WIPF3: variants seen among roughly 807,000 people sequenced by gnomAD.
WIPF3 encodes WAS/WASL interacting protein family member 3.
Under a neutral mutation model 38.9 loss-of-function variants are expected in WIPF3, and 33 were observed. The ratio of observed to expected loss-of-function variants is 0.85; its 90% confidence interval spans 0.64 to 1.14. The LOEUF is 1.14. WIPF3 is among the 50% of genes most tolerant of loss of function. The pLI, the probability that WIPF3 is intolerant of heterozygous loss-of-function variation, is 0.00. For missense variants in WIPF3, 711 were observed against 652.5 expected (o/e 1.09, Z -0.98); for synonymous variants, 324 against 269.3 (o/e 1.20, Z -1.99).
At chr7:29,839,759 G>A (rs1047476011) in intron 2 of WIPF3, among the ~76,000 whole-genome samples, 14 of 152,284 alleles carry the variant, frequency 9.2e-5, no homozygotes, top group African/African-American at 3.4e-4. Context: ...AAAAGTATAC[G>A]AAATTCATGT....
chr7:29,816,541 C>T (rs1747099832), intron 1 of WIPF3, among the ~76,000 whole-genome samples: 1 of 151,876 alleles, frequency 6.6e-6, no homozygotes, highest in African/African-American at 2.4e-5. Context: ...GTTGCCCAGG[C>T]TGGTCTTGAA....
intron 3 of WIPF3, among the ~76,000 whole-genome samples, chr7:29,877,109 A>G (rs1785615545): frequency 6.6e-6 from 1 of 152,248 alleles, no homozygotes; most frequent in South Asian, 2.1e-4. Flanking sequence ...ATGTGCCTCC[A>G]GGTGACATGG....
chr7:29,827,606 T>C (rs895449924), intron 1 of WIPF3, among the ~76,000 whole-genome samples: 6 of 152,038 alleles, frequency 3.9e-5, no homozygotes, highest in Admixed American at 6.5e-5. Context: ...GAGATATATA[T>C]TGCGTCATGG....
intron 1 of WIPF3, among the ~76,000 whole-genome samples, chr7:29,831,534 C>T (rs995380545): frequency 1.3e-5 from 2 of 152,220 alleles, no homozygotes; most frequent in Non-Finnish European, 2.9e-5. Flanking sequence ...CTAAACATAA[C>T]TATAGTGAAT....
chr7:29,863,801 G>A (rs1225510676), intron 2 of WIPF3, among the ~76,000 whole-genome samples: 2 of 152,090 alleles, frequency 1.3e-5, no homozygotes, highest in Admixed American at 6.5e-5. Context: ...AGATTTATAC[G>A]TAAGTATTTC....
chr7:29,910,483 A>T (rs1262417294), intron 8 of WIPF3, among the ~76,000 whole-genome samples: 2 of 152,214 alleles, frequency 1.3e-5, no homozygotes, highest in Admixed American at 1.3e-4. Flanking sequence ...CCGTAGACCA[A>T]TATCCCTTAT....
At position 29,834,802 on chromosome 7, in the gene WIPF3, A is replaced by T; in HGVS notation, c.78A>T (p.Pro26=). 4 of 951,960 alleles carry T rather than the reference A, an allele frequency of 4.2e-6. No individual in the cohort carries two copies. The highest frequency in any genetic ancestry group is 5.1e-6 in the Non-Finnish European group (4 of 791,238). The allele number at this position is 951,960 out of a possible 1,614,324, so 59.0% of individuals were successfully genotyped here. A position where few individuals can be genotyped will look rare whatever the true frequency, so the allele number is the denominator to read the frequency against. Residue 26 remains proline, a synonymous_variant, in exon 2 of 9, where the codon CCA becomes CCT. Coordinates refer to ENST00000242140, the MANE Select transcript of WIPF3 (RefSeq NM_001080529.3). ...PPLGAPPPPP[P]SAPPVSTDTS... is the part of the protein sequence containing the mutation. ...TGGGGGCTCCTCCCCCTCCCCCACC[A>T]TCAGCACCCCCGGTAAGACCTTTTT...
chr7:29,913,276 C>G (rs932082267), intron 8 of WIPF3, among the ~76,000 whole-genome samples: 1 of 145,636 alleles, frequency 6.9e-6, no homozygotes, highest in African/African-American at 2.6e-5. Flanking sequence ...AACCCGTGGA[C>G]GGAGGTTGCG....
In WIPF3 at chr7:29,889,157, A is replaced by G. The variant is rs906081576; in HGVS notation, c.1250-149A>G. 1.1e-5 allele frequency: 7 copies of G among 649,458 alleles called. No individual in the cohort carries two copies. The African/African-American group carries it at 1.1e-4, about 10-fold the overall frequency. The allele number at this position is 649,458 out of a possible 1,614,324, so 40.2% of individuals were successfully genotyped here. A position where few individuals can be genotyped will look rare whatever the true frequency, so the allele number is the denominator to read the frequency against. On this transcript the variant is annotated intron_variant, in intron 6 of 8. Coordinates refer to ENST00000242140, the MANE Select transcript of WIPF3 (RefSeq NM_001080529.3). ...TGAGAGGTGAATGGATGTCTTAGGGAGAATGGCCCTGTTGTTAAAATCCTT... is the reference window on the plus strand; with the variant it reads ...TGAGAGGTGAATGGATGTCTTAGGGGGAATGGCCCTGTTGTTAAAATCCTT...
chr7:29,832,822 T>C (rs955934151), intron 1 of WIPF3, among the ~76,000 whole-genome samples: 1 of 152,214 alleles, frequency 6.6e-6, no homozygotes, highest in South Asian at 2.1e-4. Flanking sequence ...AATTCCACTC[T>C]TGCATATACG....
At chr7:29,838,757 A>G (rs1583597833) in intron 2 of WIPF3, among the ~76,000 whole-genome samples, 1 of 152,330 alleles carries the variant, frequency 6.6e-6, no homozygotes, top group Admixed American at 6.5e-5. Flanking sequence ...ATGACCCAAA[A>G]GACATGTTAA....
rs182563686 is a variant in WIPF3, at chr7:29,835,321, G to A, written c.90+507G>A. On this transcript the variant is annotated intron_variant, in intron 2 of 8. Transcript: ENST00000242140. The stretch of plus-strand genomic sequence containing the variant: ...GACTGAATCGAGGCTATTTCAGTTC[G>A]TGTTGCTGAATGTTCTCTCTTGGTT... Among the ~76,000 whole-genome samples the A allele has an allele frequency of 2.7e-4, 41 of 152,184 alleles. No individual in the cohort carries two copies. The East Asian group carries it at 4.6e-3, about 17-fold the overall frequency.
chr7:29,894,675 G>A (rs762213910), intron 7 of WIPF3, among the ~76,000 whole-genome samples: 1 of 152,094 alleles, frequency 6.6e-6, no homozygotes, highest in Admixed American at 6.5e-5. Flanking sequence ...GGGAGACAGT[G>A]TTGTTTCTAT....
intron 1 of WIPF3, among the ~76,000 whole-genome samples, chr7:29,810,263 G>C (rs1784350391): frequency 6.6e-6 from 1 of 152,242 alleles, no homozygotes; most frequent in African/African-American, 2.4e-5. Flanking sequence ...GCACCCTGCT[G>C]TGGTCTTTTA....
chr7:29,869,230 G>A (rs980926993), intron 2 of WIPF3, among the ~76,000 whole-genome samples: 12 of 152,122 alleles, frequency 7.9e-5, no homozygotes, highest in African/African-American at 2.2e-4. Context: ...GTTTCTCCAT[G>A]TTGGTCAGGC....
chr7:29,856,564 G>A (rs543620253), intron 2 of WIPF3, among the ~76,000 whole-genome samples: 1 of 152,318 alleles, frequency 6.6e-6, no homozygotes, highest in East Asian at 1.9e-4. Flanking sequence ...AGGATTGCTT[G>A]AGCCTGCCAT....
rs531145134 is a variant in WIPF3, at chr7:29,832,034, G to A, written c.-57-2634G>A. On this transcript the variant is annotated intron_variant, in intron 1 of 8. Transcript: ENST00000242140. ...AAACCCTTAGGTAAGTGGTATTTCC[G>A]TTTGTAAAGGTTATTCTTCCCCACC... Among the ~76,000 whole-genome samples the A allele has an allele frequency of 3.9e-4, 59 of 152,226 alleles. No homozygotes were observed. The South Asian group carries it at 8.7e-3, about 22-fold the overall frequency.
chr7:29,887,199 G>A (rs1785901061), intron 5 of WIPF3, among the ~76,000 whole-genome samples: 1 of 152,188 alleles, frequency 6.6e-6, no homozygotes, highest in Non-Finnish European at 1.5e-5. Flanking sequence ...TTTGAAACTT[G>A]GTTTGTCCAT....
chr7:29,914,590 C>A lies in WIPF3; in HGVS notation c.*74C>A. 1.7e-6 allele frequency: 2 copies of A among 1,160,714 alleles called. No individual in the cohort carries two copies. The highest frequency in any genetic ancestry group is 2.2e-5 in the South Asian group (1 of 46,024). The allele number at this position is 1,160,714 out of a possible 1,614,324, so 71.9% of individuals were successfully genotyped here. A position where few individuals can be genotyped will look rare whatever the true frequency, so the allele number is the denominator to read the frequency against. ...TGTCAGACCCCACCCACCCCATGCTCAAGCTGTAATTCAGTTGGCATACAG... is the reference window on the plus strand; with the variant it reads ...TGTCAGACCCCACCCACCCCATGCTAAAGCTGTAATTCAGTTGGCATACAG... On this transcript the variant is annotated 3_prime_UTR_variant, in exon 9 of 9. Transcript: ENST00000242140.
Sources: gnomAD v4.1 joint callset for allele counts (sites outside exome capture counted in the v4.1 genomes callset) on GRCh38, gnomAD v4.1.1 for gene constraint, MANE v1.5 for transcripts, NCBI Gene and HGNC (gene_info 2026-07-23, HGNC 2026-07-21) for gene names.